The following EPB41L2 variants were observed in gnomAD, a reference collection of about 807,000 sequenced individuals.
EPB41L2 encodes the protein band 4.1-like protein 2.
A neutral mutation model predicts 113.0 loss-of-function variants in EPB41L2; 43 were observed. The ratio of observed to expected loss-of-function variants is 0.38; its 90% CI spans 0.30 to 0.49. EPB41L2 has a LOEUF of 0.49. Among genes scored for constraint, EPB41L2 ranks in the 20% least tolerant of loss-of-function variants. The pLI, the probability that EPB41L2 is intolerant of heterozygous loss-of-function variation, is 0.95. For missense variants in EPB41L2, 1,147 were observed against 1,223.4 expected, an observed-to-expected ratio of 0.94 and a Z score of 0.93; for synonymous variants, 442 against 436.7, an observed-to-expected ratio of 1.01 and a Z score of -0.15.
rs199766612 is a variant in EPB41L2, at chr6:131,013,878, A to G, written c.-15+49277T>C. Reference sequence around the variant, plus strand: ...AGTTATTTATTAAATCAGCTCATAAAGTGTGCCACACCAACATTTGAAATT... The same window carrying G: ...AGTTATTTATTAAATCAGCTCATAAGGTGTGCCACACCAACATTTGAAATT... On this transcript the variant is annotated intron_variant, in intron 1 of 19. Coordinates refer to ENST00000337057, the MANE Select transcript of EPB41L2 (RefSeq NM_001431.4). Among the ~76,000 whole-genome samples, 7 of 152,196 alleles carry G rather than the reference A, an allele frequency of 4.6e-5. No homozygotes were observed. In the East Asian group the frequency reaches 1.3e-3, roughly 29 times the overall value.
chr6:130,962,562 AC>A (rs1180131687), intron 1 of EPB41L2, among the ~76,000 whole-genome samples: 1 of 152,172 alleles, frequency 6.6e-6, no homozygotes, highest in Non-Finnish European at 1.5e-5. Context: ...TTTATAACCC[AC>A]TATATCACTT....
intron 1 of EPB41L2, among the ~76,000 whole-genome samples, chr6:130,960,149 C>G (rs1421237449): frequency 6.6e-6 from 1 of 152,080 alleles, no homozygotes; most frequent in Non-Finnish European, 1.5e-5. Flanking sequence ...AATGGAGAAC[C>G]ACACAGCTGT....
At chr6:130,922,069 C>T (rs1222787899) in intron 4 of EPB41L2, among the ~76,000 whole-genome samples, 2 of 152,114 alleles carry the variant, frequency 1.3e-5, no homozygotes, top group Non-Finnish European at 2.9e-5. Context: ...TGTGCATATG[C>T]GCACACGCAC....
At chr6:130,902,509 T>C (rs956967757) in intron 6 of EPB41L2, among the ~76,000 whole-genome samples, 1 of 152,224 alleles carries the variant, frequency 6.6e-6, no homozygotes, top group African/African-American at 2.4e-5. Context: ...CTACAGTATT[T>C]TGAGTATTTT....
chr6:130,977,085 G>A (rs1459513584), intron 1 of EPB41L2, among the ~76,000 whole-genome samples: 1 of 152,156 alleles, frequency 6.6e-6, no homozygotes, highest in Non-Finnish European at 1.5e-5. Context: ...CTCACACTTT[G>A]AAGGAGCAGA....
chr6:130,867,685 C>T (rs1418498235), intron 15 of EPB41L2, 104 bp from the exon 16 acceptor site: 5 of 1,399,236 alleles, frequency 3.6e-6, no homozygotes, highest in East Asian at 2.4e-5. Flanking sequence ...CAAACACACA[C>T]TCATGCACAA....
intron 1 of EPB41L2, among the ~76,000 whole-genome samples, chr6:130,993,374 TA>T (rs1782328571): frequency 6.6e-6 from 1 of 152,154 alleles, no homozygotes; most frequent in Non-Finnish European, 1.5e-5. Flanking sequence ...AAAACACAGG[TA>T]CTTATAATTG....
intron 3 of EPB41L2, among the ~76,000 whole-genome samples, chr6:130,935,397 A>G (rs985222906): frequency 6.6e-6 from 1 of 152,204 alleles, no homozygotes; most frequent in African/African-American, 2.4e-5. Context: ...GCAGTATTCA[A>G]TGGAATGTTC....
chr6:130,894,881 T>G, intron 9 of EPB41L2, 86 bp downstream of exon 9: 1 of 1,339,860 alleles, frequency 7.5e-7, no homozygotes, highest in Non-Finnish European at 9.9e-7. Flanking sequence ...TTTCTTAAAA[T>G]TTTAGAATTA....
At chr6:131,060,462 T>C (rs1292429469) in intron 1 of EPB41L2, among the ~76,000 whole-genome samples, 2 of 152,394 alleles carry the variant, frequency 1.3e-5, no homozygotes, top group South Asian at 2.1e-4. Flanking sequence ...GGTTGGGTAG[T>C]ACACGTGGAC....
chr6:131,005,470 T>C (rs2128718382), intron 1 of EPB41L2, among the ~76,000 whole-genome samples: 1 of 152,334 alleles, frequency 6.6e-6, no homozygotes, highest in South Asian at 2.1e-4. Flanking sequence ...CTCTGGGCCA[T>C]GCTTTTCCCC....
intron 19 of EPB41L2, among the ~76,000 whole-genome samples, chr6:130,856,875 T>C (rs1007628189): frequency 6.6e-6 from 1 of 152,018 alleles, no homozygotes; most frequent in African/African-American, 2.4e-5. Flanking sequence ...TCTTGACCAT[T>C]TAGATTATTT....
At chr6:130,993,485 G>T (rs1223810721) in intron 1 of EPB41L2, among the ~76,000 whole-genome samples, 1 of 152,348 alleles carries the variant, frequency 6.6e-6, no homozygotes, top group Non-Finnish European at 1.5e-5. Flanking sequence ...GCGCCTGGGT[G>T]CAGGTGGGCT....
At chr6:130,966,655 G>A (rs1308384638) in intron 1 of EPB41L2, among the ~76,000 whole-genome samples, 1 of 152,190 alleles carries the variant, frequency 6.6e-6, no homozygotes, top group Non-Finnish European at 1.5e-5. Flanking sequence ...GGGAGACAAT[G>A]TTTTTAATGA....
At chr6:131,044,754 G>C (rs1795100829) in intron 1 of EPB41L2, among the ~76,000 whole-genome samples, 1 of 152,140 alleles carries the variant, frequency 6.6e-6, no homozygotes, top group South Asian at 2.1e-4. Flanking sequence ...CTACCAGGCA[G>C]AAAACTTCCC....
chr6:130,924,117 C>T (rs577080384), intron 4 of EPB41L2, among the ~76,000 whole-genome samples: 42 of 152,226 alleles, frequency 2.8e-4, no homozygotes, highest in Middle Eastern at 6.8e-3. Context: ...AACATGGTGT[C>T]CTCTAGGTTA....
intron 1 of EPB41L2, among the ~76,000 whole-genome samples, chr6:131,058,993 A>G (rs1296850007): frequency 6.6e-6 from 1 of 152,224 alleles, no homozygotes; most frequent in African/African-American, 2.4e-5. Context: ...TCCAGCCTGA[A>G]CGACAGAGTG....
At chr6:130,972,977 T>C (rs1343801868) in intron 1 of EPB41L2, among the ~76,000 whole-genome samples, 6 of 134,922 alleles carry the variant, frequency 4.4e-5, no homozygotes, top group African/African-American at 1.4e-4. Flanking sequence ...CCGGGTGTGG[T>C]GGCGCACGCC....
chr6:131,036,104 T>C (rs1349377554), intron 1 of EPB41L2, among the ~76,000 whole-genome samples: 1 of 152,186 alleles, frequency 6.6e-6, no homozygotes, highest in South Asian at 2.1e-4. Context: ...ATTTTTCTAT[T>C]TGTAATTTCA....
Sources: gnomAD v4.1 joint callset for allele counts (sites outside exome capture counted in the v4.1 genomes callset) on GRCh38, gnomAD v4.1.1 for gene constraint, MANE v1.5 for transcripts, NCBI Gene and HGNC (gene_info 2026-07-23, HGNC 2026-07-21) for gene names.